Variants in ZNF600 observed in about 807,000 individuals in gnomAD.
ZNF600 encodes zinc finger protein KR-ZNF1.
In ZNF600, 4 loss-of-function variants were observed where a neutral mutation model predicts 7.3. That is an observed-to-expected ratio of 0.55 (90% CI 0.27 to 1.25). The LOEUF (loss-of-function observed/expected upper bound fraction) is 1.25. Ranked by LOEUF, ZNF600 falls within the 50% of genes most tolerant of loss-of-function variation. The pLI is 0.12. For synonymous variants in ZNF600, 290 were observed against 308.9 expected (o/e 0.94, Z 0.64); for missense variants, 911 against 922.1 (o/e 0.99, Z 0.16).
chr19:52,806,347 C>T, the ZNF600 span, among the ~76,000 whole-genome samples: 110 of 151,980 alleles, frequency 7.2e-4, no homozygotes, highest in African/African-American at 2.5e-3. Flanking sequence ...CCACCCACCA[C>T]GGCGCCTGGC....
the ZNF600 span, chr19:52,799,940 G>T: frequency 4.3e-6 from 7 of 1,613,590 alleles, no homozygotes; most frequent in African/African-American, 1.3e-5. Flanking sequence ...CATTACACTT[G>T]TAAGGTTTCT....
At chr19:52,800,425 T>G in the ZNF600 span, 3 of 1,613,588 alleles carry the variant, frequency 1.9e-6, no homozygotes, top group African/African-American at 2.7e-5. Context: ...CTGAAAACTT[T>G]GTCACATTCT....
chr19:52,771,916 C>A (rs1364459842), intron 3 of ZNF600, among the ~76,000 whole-genome samples: 1 of 152,138 alleles, frequency 6.6e-6, no homozygotes, highest in African/African-American at 2.4e-5. Context: ...GCTGGCCAGT[C>A]TAAGCTATTT....
At chr19:52,829,069 C>T in the ZNF600 span, among the ~76,000 whole-genome samples, 1 of 151,954 alleles carries the variant, frequency 6.6e-6, no homozygotes, top group Non-Finnish European at 1.5e-5. Context: ...TTTCACCATG[C>T]CAGCCAGGAT....
chr19:52,769,118 C>A (rs924337502), intron 3 of ZNF600, among the ~76,000 whole-genome samples: 2 of 152,100 alleles, frequency 1.3e-5, no homozygotes, highest in African/African-American at 4.8e-5. Context: ...CTAGTGGTAG[C>A]ATCAGTGCCA....
At chr19:52,815,263 C>G in the ZNF600 span, among the ~76,000 whole-genome samples, 1 of 145,140 alleles carries the variant, frequency 6.9e-6, no homozygotes, top group Non-Finnish European at 1.5e-5. Context: ...CACCTGTAAT[C>G]TCAGCACTTT....
rs1057396089 is a variant in ZNF600, at chr19:52,774,584, C to G, written c.181G>C (p.Glu61Gln). The change falls in exon 3 of 4, where the codon GAA becomes CAA. Residue 61 changes from glutamate (E) to glutamine (Q), a missense_variant. Coordinates refer to ENST00000648973, the Ensembl canonical transcript of ZNF600. ...ACATCATTTTCCTCACCCACAGCTT[C>G]CAGGTTCCTGTAGTTCTCCAACATC... 4.1e-6 allele frequency: 4 copies of G among 985,144 alleles called. No homozygotes were observed. In the African/African-American group the frequency reaches 7.0e-5, roughly 17 times the overall value. The allele number at this position is 985,144 out of a possible 1,614,324, so 61.0% of individuals were successfully genotyped here. A position where few individuals can be genotyped will look rare whatever the true frequency, so the allele number is the denominator to read the frequency against.
chr19:52,784,845 C>A (rs1285316273), intron 1 of ZNF600, among the ~76,000 whole-genome samples: 3 of 152,178 alleles, frequency 2.0e-5, no homozygotes, highest in Non-Finnish European at 4.4e-5. Context: ...CCTCCTGCTT[C>A]GGCCTAGAGA....
the ZNF600 span, among the ~76,000 whole-genome samples, chr19:52,819,082 A>G: frequency 7.1e-6 from 1 of 140,094 alleles, no homozygotes; most frequent in African/African-American, 2.8e-5. Flanking sequence ...AAGAACAGGG[A>G]CAACAACCTG....
chr19:52,793,785 C>T, the ZNF600 span, among the ~76,000 whole-genome samples: 175 of 74,410 alleles, frequency 2.4e-3, 2 homozygotes, highest in Non-Finnish European at 4.1e-3. Context: ...CACACACACA[C>T]ACACACACAC....
the ZNF600 span, among the ~76,000 whole-genome samples, chr19:52,793,764 CCACACACA>C: frequency 0.13 from 18,013 of 138,364 alleles, 1,287 homozygotes; most frequent in Non-Finnish European, 0.17. Flanking sequence ...CCAAACTCTG[CCACACACA>C]CACACACACA....
upstream of ZNF600, chr19:52,786,819 A>G (rs765521542): frequency 4.3e-5 from 14 of 327,708 alleles, no homozygotes; most frequent in Middle Eastern, 4.8e-4. Flanking sequence ...GGTTGGCTGG[A>G]CCTGGGCGGG....
chr19:52,796,183 T>C, the ZNF600 span, among the ~76,000 whole-genome samples: 30 of 152,196 alleles, frequency 2.0e-4, no homozygotes, highest in African/African-American at 7.2e-4. Context: ...CCAATAAAAA[T>C]GACAAAAGAG....
chr19:52,796,081 G>A, the ZNF600 span, among the ~76,000 whole-genome samples: 1 of 152,122 alleles, frequency 6.6e-6, no homozygotes, highest in Non-Finnish European at 1.5e-5. Context: ...AGGCTGAAAT[G>A]GGAGGATCCC....
chr19:52,816,834 A>AAATAATAAT, the ZNF600 span, among the ~76,000 whole-genome samples: 3,310 of 138,370 alleles, frequency 0.024, 44 homozygotes, highest in African/African-American at 0.034. Flanking sequence ...CCGTTTCAGA[A>AAATAATAAT]AATAATAATA....
chr19:52,764,264 G>A (rs991324568), downstream of ZNF600: 1 of 152,122 alleles, frequency 6.6e-6, no homozygotes, highest in African/African-American at 2.4e-5. Flanking sequence ...CAGGCTGAGG[G>A]CAGTGGCACG....
At chr19:52,777,780 G>T (rs935419820) in intron 2 of ZNF600, among the ~76,000 whole-genome samples, 13 of 152,026 alleles carry the variant, frequency 8.6e-5, no homozygotes, top group African/African-American at 1.4e-4. Context: ...AGTGAGCCGA[G>T]ATCATTCCAT....
exon 4 of ZNF600, chr19:52,767,309 G>A (rs140475744): frequency 3.1e-6 from 5 of 1,614,122 alleles, no homozygotes; most frequent in East Asian, 2.2e-5. Context: ...GTTTTTGTGG[G>A]AGTAGTGAAG....
At chr19:52,773,844 C>A (rs1301031654) in intron 3 of ZNF600, among the ~76,000 whole-genome samples, 1 of 151,664 alleles carries the variant, frequency 6.6e-6, no homozygotes, top group African/African-American at 2.4e-5. Context: ...GCACTCCAGC[C>A]TGTGTGACAG....
Sources: allele counts gnomAD v4.1 joint callset (sites outside exome capture counted in the v4.1 genomes callset), GRCh38; gene constraint gnomAD v4.1.1; transcripts MANE v1.5; gene names NCBI Gene and HGNC (gene_info 2026-07-23, HGNC 2026-07-21).